Variants in ACP2 observed in about 807,000 individuals in gnomAD.
ACP2 encodes lysosomal acid phosphatase.
In ACP2, 35 loss-of-function variants were observed where a neutral mutation model predicts 54.7. The observed-to-expected ratio is 0.64, with a 90% CI of 0.49 to 0.85. The LOEUF is 0.85. Among genes scored for constraint, ACP2 ranks in the 40% least tolerant of loss-of-function variants. The probability of loss-of-function intolerance (pLI) is 0.00; values close to 1 mark genes in which losing one functional copy is unlikely to be tolerated. For synonymous variants in ACP2, 210 were observed against 224.4 expected, an observed-to-expected ratio of 0.94 and a Z score of 0.57; for missense variants, 492 against 565.0, an observed-to-expected ratio of 0.87 and a Z score of 1.31.
At chr11:47,242,427 G>A (rs1252051202) in intron 10 of ACP2, among the ~76,000 whole-genome samples, 1 of 152,146 alleles carries the variant, frequency 6.6e-6, no homozygotes, top group Non-Finnish European at 1.5e-5. Flanking sequence ...CAGAGATGAG[G>A]AGAGAACCCA....
At position 47,243,046 on chromosome 11, in the gene ACP2, T is replaced by A; in HGVS notation, c.934A>T (p.Ile312Leu). The A allele has an allele frequency of 6.2e-7, 1 of 1,614,250 alleles. No homozygotes were observed. Among genetic ancestry groups the A allele is most frequent in the Non-Finnish European group, 8.5e-7 (1 of 1,180,038 alleles). ...GAATCTTCCTGGTACAGTTCAAATA[T>A]GTGGCAGGAGGCGTAGGGGGCTTGT... ...GEQAPYASCH[I>L]FELYQEDSGN... The change falls in exon 9 of 11, where the codon ATA becomes TTA. Residue 312 changes from isoleucine (I) to leucine (L), a missense_variant. Coordinates refer to ENST00000672073, the MANE Select transcript of ACP2 (RefSeq NM_001610.4).
intron 9 of ACP2, 41 bp downstream of exon 9, chr11:47,242,977 C>T: frequency 6.2e-7 from 1 of 1,613,060 alleles, no homozygotes; most frequent in Non-Finnish European, 8.5e-7. Context: ...GAGCCACCTC[C>T]CGAGGGCCCC....
In ACP2 at chr11:47,245,837, G is replaced by A; in HGVS notation, c.298-3C>T. 6.5e-7 allele frequency: 1 copy of A among 1,545,514 alleles called. No individual in the cohort carries two copies. The highest frequency in any genetic ancestry group is 8.7e-7 in the Non-Finnish European group (1 of 1,147,616). On this transcript the variant is annotated splice_region_variant and splice_polypyrimidine_tract_variant and intron_variant, in intron 3 of 10. Coordinates refer to ENST00000672073, the MANE Select transcript of ACP2 (RefSeq NM_001610.4). ...AAGTCTGTGCTTCGCACATAAACCT[G>A]CAGCGATAGCAACACAAGTCGTGTG... is the stretch of plus-strand genomic sequence containing the variant.
Position 47,245,720 on chromosome 11 carries a change from G to C in ACP2, c.412C>G (p.Pro138Ala). The change falls in exon 4 of 11, where the codon CCT (proline) becomes GCT (alanine). Residue 138 changes from proline (P) to alanine (A), a missense_variant. By Grantham distance (27) the Pro-to-Ala change is conservative. Coordinates refer to ENST00000672073, the MANE Select transcript of ACP2 (RefSeq NM_001610.4). ...ATGGGCACAGTGTGCACAGGAATAG[G>C]CTGCCACGAGATGTTCGGGTTGAAG... ...QRFNPNISWQPIPVHTVPITE... is the reference protein window; with the variant it reads ...QRFNPNISWQAIPVHTVPITE... The C allele has an allele frequency of 1.2e-6, 2 of 1,613,844 alleles. No homozygotes were observed. Among genetic ancestry groups the C allele is most frequent in the Non-Finnish European group, 1.7e-6 (2 of 1,179,808 alleles).
chr11:47,240,377 T>C, intron 10 of ACP2, 128 bp from the exon 11 acceptor site: 3 of 596,262 alleles, frequency 5.0e-6, no homozygotes, highest in South Asian at 4.3e-5. Context: ...GTTTACATTC[T>C]AGGAGAGGGG....
chr11:47,240,102 G>A lies in ACP2; in HGVS notation c.*14C>T. ...CCTCCCCTAGGAGGTGGAGGGAAGG[G>A]GGCTGAGTGGTTGTCAGGCGTGGTC... On this transcript the variant is annotated 3_prime_UTR_variant, in exon 11 of 11. Coordinates refer to ENST00000672073, the MANE Select transcript of ACP2 (RefSeq NM_001610.4). The A allele has an allele frequency of 1.2e-6, 2 of 1,611,324 alleles. No individual in the cohort carries two copies. Among genetic ancestry groups the A allele is most frequent in the African/African-American group, 2.7e-5 (2 of 75,008 alleles).
Position 47,242,792 on chromosome 11 carries a change from G to T in ACP2, c.1069C>A (p.Leu357Ile). Residue 357 changes from leucine to isoleucine, a missense_variant, in exon 10 of 11, where the codon CTC becomes ATC. By Grantham distance (5) the Leu-to-Ile change is conservative. Transcript: ENST00000672073. ...HRCPLQDFLRLTEPVVPKDWQ... is the reference protein window; with the variant it reads ...HRCPLQDFLRITEPVVPKDWQ... The stretch of plus-strand genomic sequence containing the variant: ...TCCTTGGGCACGACGGGCTCTGTGA[G>T]GCGAAGGAAGTCCTGCAGTGGGCAG... 6.2e-7 allele frequency: 1 copy of T among 1,614,214 alleles called. No individual in the cohort carries two copies. The highest frequency in any genetic ancestry group is 8.5e-7 in the Non-Finnish European group (1 of 1,180,018).
intron 10 of ACP2, among the ~76,000 whole-genome samples, chr11:47,242,095 GT>G (rs1953896701): frequency 6.6e-6 from 1 of 152,212 alleles, no homozygotes; most frequent in African/African-American, 2.4e-5. Context: ...CCAAGAAAGT[GT>G]TTCAGGAAGG....
At chr11:47,242,661 C>T (rs1248862270) in intron 10 of ACP2, 62 bp downstream of exon 10, 17 of 1,557,108 alleles carry the variant, frequency 1.1e-5, no homozygotes, top group South Asian at 9.4e-5. Flanking sequence ...TCTTGAGATG[C>T]GTGGATGTGA....
Position 47,245,683 on chromosome 11 carries a change from C to T in ACP2, c.449G>A (p.Arg150Lys), listed in dbSNP as rs751211991. The change falls in exon 4 of 11, where the codon AGG becomes AAG. Residue 150 changes from arginine (R) to lysine (K), a missense_variant and splice_region_variant. Transcript: ENST00000672073. ...CAGGGAAGGGCTGGCCACTCTTACCCTGTCCTCAGTGATGGGCACAGTGTG... is the reference window on the plus strand; with the variant it reads ...CAGGGAAGGGCTGGCCACTCTTACCTTGTCCTCAGTGATGGGCACAGTGTG... ...PVHTVPITED[R>K]LLKFPLGPCP... The T allele has an allele frequency of 2.5e-6, 4 of 1,613,226 alleles. No homozygotes were observed. In the African/African-American group the frequency reaches 4.0e-5, roughly 16 times the overall value.
At chr11:47,248,244 CCTA>C (rs778905544) in intron 1 of ACP2, 111 bp from the exon 2 acceptor site, 29 of 1,189,720 alleles carry the variant, frequency 2.4e-5, no homozygotes, top group Non-Finnish European at 3.4e-5. Context: ...CTCTGGGAAG[CCTA>C]CTGGCTGCAA....
chr11:47,242,793 G>A lies in ACP2; in HGVS notation c.1068C>T (p.Arg356=). The change falls in exon 10 of 11, where the codon CGC becomes CGT. Residue 356 remains arginine (R), a synonymous_variant. Transcript: ENST00000672073. ...CCTTGGGCACGACGGGCTCTGTGAG[G>A]CGAAGGAAGTCCTGCAGTGGGCAGC... ...PHRCPLQDFL[R]LTEPVVPKDW... 6.2e-7 allele frequency: 1 copy of A among 1,614,226 alleles called. No individual in the cohort carries two copies. The highest frequency in any genetic ancestry group is 8.5e-7 in the Non-Finnish European group (1 of 1,180,032).
At chr11:47,242,684 T>G in intron 10 of ACP2, 39 bp downstream of exon 10, 1 of 1,591,210 alleles carries the variant, frequency 6.3e-7, no homozygotes. Flanking sequence ...TGCAGGCTGG[T>G]CTAGGGCATG....
intron 2 of ACP2, 63 bp from the exon 3 acceptor site, chr11:47,247,790 G>C: frequency 6.6e-7 from 1 of 1,506,094 alleles, no homozygotes; most frequent in Non-Finnish European, 9.1e-7. Context: ...GCCCCATGGG[G>C]TTTAGGCCCT....
chr11:47,243,778 G>C (rs992187044), intron 7 of ACP2, among the ~76,000 whole-genome samples: 3 of 152,130 alleles, frequency 2.0e-5, no homozygotes, highest in Admixed American at 2.0e-4. Flanking sequence ...GCCCCCAGTG[G>C]TTCTCTTGGG....
chr11:47,243,121 C>CCA lies in ACP2; in HGVS notation c.858_859insTG (p.Asp287TrpfsTer96). 4 of 1,614,210 alleles carry CCA rather than the reference C, an allele frequency of 2.5e-6. No homozygotes were observed. The highest frequency in any genetic ancestry group is 3.4e-6 in the Non-Finnish European group (4 of 1,180,030). ...ATTTGCAGGGCAACCAGGGTAGTGT[C>CCA]GTGCTGCGGGGGAGAGGGGCTGCCC... On this transcript the variant is annotated frameshift_variant, in exon 9 of 11. Transcript: ENST00000672073. LOFTEE classifies it high-confidence loss of function.
intron 6 of ACP2, 159 bp from the exon 7 acceptor site, chr11:47,245,026 G>T: frequency 7.4e-7 from 1 of 1,343,922 alleles, no homozygotes; most frequent in Non-Finnish European, 1.0e-6. Flanking sequence ...CGGTGTGGAT[G>T]CTTCAGGGCA....
intron 3 of ACP2, among the ~76,000 whole-genome samples, chr11:47,246,831 A>G (rs1954124613): frequency 6.6e-6 from 1 of 152,054 alleles, no homozygotes; most frequent in Non-Finnish European, 1.5e-5. Context: ...AGCCAAGACC[A>G]TGTCACTGCA....
Position 47,240,058 on chromosome 11 carries a change from G to T in ACP2, c.*58C>A. ...ATGGGCTGGGGAGCAGCAACAGTCA[G>T]GAGCGAGGGCCCAGCCCACCTCCCC... is the stretch of plus-strand genomic sequence containing the variant. On this transcript the variant is annotated 3_prime_UTR_variant, in exon 11 of 11. Transcript: ENST00000672073. 3 of 1,562,056 alleles carry T rather than the reference G, an allele frequency of 1.9e-6. No individual in the cohort carries two copies. The highest frequency in any genetic ancestry group is 2.6e-6 in the Non-Finnish European group (3 of 1,152,302).
Sources: gnomAD v4.1 joint callset for allele counts (sites outside exome capture counted in the v4.1 genomes callset) on GRCh38, gnomAD v4.1.1 for gene constraint, MANE v1.5 for transcripts, NCBI Gene and HGNC (gene_info 2026-07-23, HGNC 2026-07-21) for gene names.